HHIPL1: variants seen among roughly 807,000 people sequenced by gnomAD.
The protein encoded by HHIPL1 is HHIP like 1, also known as HHIP-like protein 1.
HHIPL1 carries 43 observed loss-of-function variants against 61.8 expected under a neutral mutation model. That is an observed-to-expected ratio of 0.70 (90% confidence interval 0.55 to 0.90). The LOEUF (loss-of-function observed/expected upper bound fraction) is 0.90, where lower values mean the gene tolerates loss of function less well. Among genes scored for constraint, HHIPL1 ranks in the 40% least tolerant of loss-of-function variants. The pLI is 0.00. For synonymous variants in HHIPL1, 482 were observed against 515.8 expected, an observed-to-expected ratio of 0.93 and a Z score of 0.89; for missense variants, 1,056 against 1,157.7, an observed-to-expected ratio of 0.91 and a Z score of 1.28.
In HHIPL1 at chr14:99,659,177, G is replaced by A. The variant is rs140557041; in HGVS notation, c.1047-251G>A. ...GTTGTGAGGACAAGACGAAATAGAT[G>A]ATGTGTTGTGTCCAACGCATGGGAC... On this transcript the variant is annotated intron_variant, in intron 3 of 8. Coordinates refer to ENST00000330710, the MANE Select transcript of HHIPL1 (RefSeq NM_001127258.3). Among the ~76,000 whole-genome samples the A allele has an allele frequency of 9.2e-5, 14 of 152,356 alleles. No homozygotes were observed. The East Asian group carries it at 2.1e-3, about 23-fold the overall frequency.
Position 99,645,270 on chromosome 14 carries a change from G to T in HHIPL1, c.63G>T (p.Pro21=), listed in dbSNP as rs1249556867. ...GGGTGCTCGGGGCCGCCGCGCATCC[G>T]CAGTGCCTGGACTTCAGGCCGCCCT... The part of the protein sequence containing the change: ...ALWVLGAAAH[P]QCLDFRPPFR... Residue 21 remains proline (P), a synonymous_variant, in exon 1 of 9, where the codon CCG becomes CCT. Transcript: ENST00000330710. 5 of 1,422,510 alleles carry T rather than the reference G, an allele frequency of 3.5e-6. No individual in the cohort carries two copies. Among genetic ancestry groups the T allele is most frequent in the South Asian group, 1.4e-5 (1 of 69,130 alleles). The allele number at this position is 1,422,510 out of a possible 1,614,324, so 88.1% of individuals were successfully genotyped here.
intron 6 of HHIPL1, among the ~76,000 whole-genome samples, chr14:99,663,407 A>G (rs987098921): frequency 6.6e-6 from 1 of 152,158 alleles, no homozygotes; most frequent in Non-Finnish European, 1.5e-5. Flanking sequence ...TTTTTGGACC[A>G]TATAGGGTAA....
chr14:99,655,386 C>T (rs932027781), intron 2 of HHIPL1, among the ~76,000 whole-genome samples: 1 of 152,242 alleles, frequency 6.6e-6, no homozygotes, highest in South Asian at 2.1e-4. Flanking sequence ...CTTTGGGAGG[C>T]CAAGCAAGGA....
Position 99,676,729 on chromosome 14 carries a change from G to A in HHIPL1, c.*1103G>A, listed in dbSNP as rs1229629899. 1 of 152,306 alleles carries A rather than the reference G, an allele frequency of 6.6e-6. No individual in the cohort carries two copies. The highest frequency in any genetic ancestry group is 1.9e-4 in the East Asian group (1 of 5,198). The allele number at this position is 152,306 out of a possible 1,614,324, so 9.4% of individuals were successfully genotyped here. On this transcript the variant is annotated 3_prime_UTR_variant, in exon 9 of 9. Coordinates refer to ENST00000330710, the MANE Select transcript of HHIPL1 (RefSeq NM_001127258.3). ...GTGTGGGAGCCGGGGTGGGAACCAG[G>A]AGAAAGGGGTGAGGCCTCCCGCTTC...
Position 99,668,145 on chromosome 14 carries a change from A to G in HHIPL1, c.1649-77A>G. 1 of 862,528 alleles carries G rather than the reference A, an allele frequency of 1.2e-6. No individual in the cohort carries two copies. Among genetic ancestry groups the G allele is most frequent in the Non-Finnish European group, 2.0e-6 (1 of 495,734 alleles). The allele number at this position is 862,528 out of a possible 1,614,324, so 53.4% of individuals were successfully genotyped here. ...GGGGTCTATTTCCAAGCCTGCAGGG[A>G]GCCGGGTGGTGAGGCGGGGCTGGCT... On this transcript the variant is annotated intron_variant, in intron 6 of 8. Transcript: ENST00000330710. The surrounding 1 kb of genome is among the most constrained non-coding windows in gnomAD (Gnocchi z 4.7).
the HHIPL1 span, among the ~76,000 whole-genome samples, chr14:99,621,405 C>A: frequency 6.6e-6 from 1 of 152,214 alleles, no homozygotes; most frequent in Non-Finnish European, 1.5e-5. Flanking sequence ...ATTCAGCTGG[C>A]GAAGGCCCTC....
chr14:99,612,979 A>C, the HHIPL1 span, among the ~76,000 whole-genome samples: 1 of 152,180 alleles, frequency 6.6e-6, no homozygotes, highest in Non-Finnish European at 1.5e-5. Context: ...TGAATATTTC[A>C]TGCAGTGAGG....
chr14:99,663,448 T>C (rs533533202), intron 6 of HHIPL1, among the ~76,000 whole-genome samples: 34 of 152,316 alleles, frequency 2.2e-4, no homozygotes, highest in African/African-American at 7.2e-4. Context: ...ATTTGTAAAC[T>C]GTCATGGTGC....
the HHIPL1 span, among the ~76,000 whole-genome samples, chr14:99,605,407 G>A: frequency 3.1e-5 from 4 of 131,004 alleles, no homozygotes; most frequent in East Asian, 4.5e-4. Flanking sequence ...TCCCTCCCCC[G>A]GAACCTGCAA....
Position 99,645,354 on chromosome 14 carries a change from T to G in HHIPL1, c.147T>G (p.Asp49Glu). The change falls in exon 1 of 9, where the codon GAT becomes GAG. Residue 49 changes from aspartate to glutamate, a missense_variant. Asp to Glu is a conservative substitution (Grantham distance 45). Transcript: ENST00000330710. The part of the protein sequence containing the change: ...CAQYSDFGCC[D>E]EGRDAELTRR... ...AGTACTCGGACTTCGGCTGCTGCGA[T>G]GAGGGGCGCGACGCCGAGCTGACCC... The G allele has an allele frequency of 6.9e-7, 1 of 1,450,546 alleles. No homozygotes were observed. Among genetic ancestry groups the G allele is most frequent in the Non-Finnish European group, 9.0e-7 (1 of 1,105,780 alleles). 89.9% of individuals were successfully genotyped at this position (1,450,546 alleles called of 1,614,324 possible).
intron 6 of HHIPL1, among the ~76,000 whole-genome samples, chr14:99,665,609 A>G (rs1174579687): frequency 6.6e-6 from 1 of 152,072 alleles, no homozygotes; most frequent in Admixed American, 6.5e-5. Context: ...TATTTTTTAA[A>G]TAGTTTGTAG....
At chr14:99,656,462 C>T (rs181182206) in intron 2 of HHIPL1, among the ~76,000 whole-genome samples, 1 of 152,186 alleles carries the variant, frequency 6.6e-6, no homozygotes, top group East Asian at 1.9e-4. Flanking sequence ...TGGAAAATCA[C>T]TTAATGTAAA....
At position 99,660,480 on chromosome 14, in the gene HHIPL1, A is replaced by G. The variant is rs536122933; in HGVS notation, c.1502+74A>G. 3.1e-5 allele frequency: 48 copies of G among 1,533,614 alleles called. No individual in the cohort carries two copies. The South Asian group carries it at 5.8e-4, about 18-fold the overall frequency. On this transcript the variant is annotated intron_variant, in intron 5 of 8. Coordinates refer to ENST00000330710, the MANE Select transcript of HHIPL1 (RefSeq NM_001127258.3). This position sits in a 1 kb window ranked among gnomAD's most constrained non-coding sequence, Gnocchi z 4.9. ...TGGGACTGGCTCCTTGGTAAAGGGG[A>G]GTGTATGTGTGCGCCCGTTCCTGCA...
chr14:99,663,845 C>T (rs1282952715), intron 6 of HHIPL1, among the ~76,000 whole-genome samples: 1 of 152,180 alleles, frequency 6.6e-6, no homozygotes, highest in East Asian at 1.9e-4. Flanking sequence ...GCGTCCATGC[C>T]GGTTAGCCGG....
At position 99,658,629 on chromosome 14, in the gene HHIPL1, G is replaced by A. The variant is rs115709114; in HGVS notation, c.1047-799G>A. Among the ~76,000 whole-genome samples, 230 of 152,298 alleles carry A rather than the reference G, an allele frequency of 1.5e-3. 1 individual carries two copies. Among genetic ancestry groups the A allele is most frequent in the African/African-American group, 5.4e-3 (225 of 41,570 alleles). On this transcript the variant is annotated intron_variant, in intron 3 of 8. Transcript: ENST00000330710. ...TTCAGTCGGTGCATCAGAAATCACC[G>A]CTGAGAAGGGCATGTTCTCCGCACT...
At chr14:99,638,497 C>T in the HHIPL1 span, among the ~76,000 whole-genome samples, 27,780 of 152,170 alleles carry the variant, frequency 0.18, 3,190 homozygotes, top group Non-Finnish European at 0.26. Flanking sequence ...TGTCCACTGG[C>T]CTATGTGCCC....
chr14:99,622,303 G>A, the HHIPL1 span, among the ~76,000 whole-genome samples: 16 of 152,136 alleles, frequency 1.1e-4, no homozygotes, highest in Non-Finnish European at 1.9e-4. Flanking sequence ...CCCATCCTTA[G>A]AGACCCTCTA....
the HHIPL1 span, among the ~76,000 whole-genome samples, chr14:99,611,415 T>G: frequency 6.6e-6 from 1 of 151,860 alleles, no homozygotes. Context: ...TGCCTCAGCC[T>G]TCTGAGTAGC....
the HHIPL1 span, among the ~76,000 whole-genome samples, chr14:99,637,014 A>AGAAG: frequency 1.3e-4 from 14 of 105,374 alleles, 2 homozygotes; most frequent in African/African-American, 4.6e-4. Flanking sequence ...AAAGAAAGAA[A>AGAAG]GAAAGAAAGA....
Sources: gnomAD v4.1 joint callset for allele counts (sites outside exome capture counted in the v4.1 genomes callset) on GRCh38, gnomAD v4.1.1 for gene constraint, Gnocchi (gnomAD v3.1) non-coding constraint, MANE v1.5 for transcripts, NCBI Gene and HGNC (gene_info 2026-07-23, HGNC 2026-07-21) for gene names.